Variants in PTPRM observed in about 807,000 individuals in gnomAD.
PTPRM encodes the protein receptor-type tyrosine-protein phosphatase mu.
In PTPRM, 47 loss-of-function variants were observed where a neutral mutation model predicts 186.7. The observed-to-expected ratio is 0.25, with a 90% CI of 0.20 to 0.32. The LOEUF (loss-of-function observed/expected upper bound fraction) is 0.32. Ranked by LOEUF, PTPRM falls within the 10% of genes least tolerant of loss-of-function variation. The pLI is 1.00. For missense variants in PTPRM, 1,494 were observed against 1,865.0 expected, an observed-to-expected ratio of 0.80 and a Z score of 3.66; for synonymous variants, 668 against 674.9, an observed-to-expected ratio of 0.99 and a Z score of 0.16.
intron 6 of PTPRM, among the ~76,000 whole-genome samples, chr18:7,951,809 A>T (rs2052978250): frequency 6.6e-6 from 1 of 152,256 alleles, no homozygotes; most frequent in African/African-American, 2.4e-5. Flanking sequence ...ATTACTTTAA[A>T]ATATACACTA....
chr18:8,365,599 T>C (rs957309350), intron 23 of PTPRM: 1 of 152,240 alleles, frequency 6.6e-6, no homozygotes, highest in Non-Finnish European at 1.5e-5. Flanking sequence ...ACCACACTGA[T>C]AGGCAAATGG....
intron 1 of PTPRM, among the ~76,000 whole-genome samples, chr18:7,585,738 G>A (rs1366922457): frequency 2.0e-5 from 3 of 152,102 alleles, no homozygotes; most frequent in Non-Finnish European, 4.4e-5. Flanking sequence ...CACTCCTCTT[G>A]TAGTGGCATT....
intron 24 of PTPRM, among the ~76,000 whole-genome samples, chr18:8,372,642 A>T (rs2095670361): frequency 6.6e-6 from 1 of 151,972 alleles, no homozygotes; most frequent in Non-Finnish European, 1.5e-5. Context: ...TCAAAGAATG[A>T]GGAGTTCTGG....
chr18:7,948,738 T>C (rs117481818), intron 5 of PTPRM, among the ~76,000 whole-genome samples: 1,849 of 152,330 alleles, frequency 0.012, 22 homozygotes, highest in Non-Finnish European at 0.018. Context: ...TAGTTGAATG[T>C]TATTCTTAAT....
intron 1 of PTPRM, among the ~76,000 whole-genome samples, chr18:7,658,072 A>G (rs1382850752): frequency 2.0e-5 from 3 of 152,090 alleles, no homozygotes; most frequent in Admixed American, 1.3e-4. Context: ...AGCAGATTGC[A>G]AGGATACAAT....
chr18:8,114,674 A>G (rs563208666), intron 12 of PTPRM, 117 bp from the exon 13 acceptor site: 1 of 819,326 alleles, frequency 1.2e-6, no homozygotes, highest in Admixed American at 2.9e-5. Flanking sequence ...GATTAAAGAC[A>G]CGCTCAGAAC....
chr18:8,375,971 C>T (rs2095692304), intron 24 of PTPRM, 75 bp from the exon 25 acceptor site: 1 of 1,480,490 alleles, frequency 6.8e-7, no homozygotes, highest in Admixed American at 1.7e-5. Context: ...GTTTCCACTC[C>T]CCCAGCTATC....
At chr18:8,230,809 A>T (rs1282935206) in intron 14 of PTPRM, among the ~76,000 whole-genome samples, 1 of 152,234 alleles carries the variant, frequency 6.6e-6, no homozygotes. Flanking sequence ...ATGCAACAGG[A>T]TCTGCTAATT....
At chr18:7,664,100 C>T (rs1442858427) in intron 1 of PTPRM, among the ~76,000 whole-genome samples, 1 of 152,226 alleles carries the variant, frequency 6.6e-6, no homozygotes, top group African/African-American at 2.4e-5. Flanking sequence ...TCATACATGT[C>T]AGGGTTCTGC....
chr18:7,960,896 A>G (rs2147175328), intron 7 of PTPRM, among the ~76,000 whole-genome samples: 1 of 152,302 alleles, frequency 6.6e-6, no homozygotes, highest in South Asian at 2.1e-4. Context: ...TTATTATTTT[A>G]CTATGTTTAA....
At chr18:8,387,759 T>C (rs1274437036) in intron 31 of PTPRM, among the ~76,000 whole-genome samples, 1 of 79,720 alleles carries the variant, frequency 1.3e-5, no homozygotes, top group Non-Finnish European at 2.7e-5. Context: ...CGTGTGTGCG[T>C]GTGTGTGCGC....
intron 19 of PTPRM, among the ~76,000 whole-genome samples, chr18:8,278,306 A>G (rs1232895130): frequency 1.3e-5 from 2 of 152,256 alleles, no homozygotes; most frequent in Non-Finnish European, 2.9e-5. Context: ...TACAACAGCT[A>G]ATTTAACCTG....
chr18:8,238,668 T>G (rs1484693342), intron 14 of PTPRM, among the ~76,000 whole-genome samples: 14 of 138,394 alleles, frequency 1.0e-4, no homozygotes, highest in African/African-American at 3.6e-4. Context: ...TTTTTTTTTT[T>G]TTTTTTTTTT....
At chr18:8,234,863 G>A (rs933878333) in intron 14 of PTPRM, among the ~76,000 whole-genome samples, 3 of 151,898 alleles carry the variant, frequency 2.0e-5, no homozygotes, top group Non-Finnish European at 2.9e-5. Flanking sequence ...TTCTTCCATA[G>A]CCTGTCAATG....
At chr18:7,856,939 G>C (rs1188550865) in intron 2 of PTPRM, among the ~76,000 whole-genome samples, 1 of 152,184 alleles carries the variant, frequency 6.6e-6, no homozygotes, top group Non-Finnish European at 1.5e-5. Context: ...CAAAATGGGA[G>C]CATTATCTCC....
Position 8,142,582 on chromosome 18 carries a change from C to T in PTPRM, c.2168-1065C>T, listed in dbSNP as rs185320607. 3.1e-3 allele frequency among the ~76,000 whole-genome samples: 468 copies of T among 152,210 alleles called. 2 individuals are homozygous for T. The highest frequency in any genetic ancestry group is 0.011 in the African/African-American group (445 of 41,534). ...ACTAAGGTTTTCGTGAGTCAGGTGACGTAGGAGTGGAAAACCTCATGACAG... is the reference window on the plus strand; with the variant it reads ...ACTAAGGTTTTCGTGAGTCAGGTGATGTAGGAGTGGAAAACCTCATGACAG... On this transcript the variant is annotated intron_variant, in intron 13 of 32. Coordinates refer to ENST00000580170, the MANE Select transcript of PTPRM (RefSeq NM_001105244.2).
chr18:8,386,781 T>G (rs2095777202), intron 30 of PTPRM, among the ~76,000 whole-genome samples: 1 of 152,196 alleles, frequency 6.6e-6, no homozygotes, highest in Non-Finnish European at 1.5e-5. Context: ...CATGACAATG[T>G]GGTCAGTGCT....
chr18:7,861,767 T>A (rs73941019), intron 2 of PTPRM, among the ~76,000 whole-genome samples: 24 of 148,186 alleles, frequency 1.6e-4, no homozygotes, highest in South Asian at 6.4e-4. Context: ...TGTGTGTGTG[T>A]GAGAGAGAGA....
intron 32 of PTPRM, among the ~76,000 whole-genome samples, chr18:8,405,723 A>G (rs1178372551): frequency 1.3e-5 from 2 of 152,212 alleles, no homozygotes; most frequent in Non-Finnish European, 2.9e-5. Context: ...CTAGGTACCA[A>G]GGGCCTTGTG....
Sources: gnomAD v4.1 joint callset for allele counts (sites outside exome capture counted in the v4.1 genomes callset) on GRCh38, gnomAD v4.1.1 for gene constraint, MANE v1.5 for transcripts, NCBI Gene and HGNC (gene_info 2026-07-23, HGNC 2026-07-21) for gene names.